The following STK31 variants were observed in gnomAD, a reference collection of about 807,000 sequenced individuals.
STK31 encodes the protein serine/threonine-protein kinase 31.
STK31 carries 89 observed loss-of-function variants against 129.7 expected under a neutral mutation model. The observed-to-expected ratio is 0.69, with a 90% CI of 0.58 to 0.82. The LOEUF is 0.82. Among genes scored for constraint, STK31 ranks in the 40% least tolerant of loss-of-function variants. The probability of loss-of-function intolerance (pLI) is 0.00; values close to 1 mark genes in which losing one functional copy is unlikely to be tolerated. For missense variants in STK31, 1,187 were observed against 1,176.4 expected (o/e 1.01, Z -0.13); for synonymous variants, 448 against 395.3 (o/e 1.13, Z -1.58).
chr7:23,766,155 A>T (rs1789810650), intron 11 of STK31, among the ~76,000 whole-genome samples: 1 of 152,202 alleles, frequency 6.6e-6, no homozygotes, highest in South Asian at 2.1e-4. Context: ...ATCTCATTTC[A>T]ATCTCAAATA....
In STK31 at chr7:23,712,239, G is replaced by C; in HGVS notation, c.103G>C (p.Asp35His). 1 of 1,614,080 alleles carries C rather than the reference G, an allele frequency of 6.2e-7. No homozygotes were observed. Among genetic ancestry groups the C allele is most frequent in the South Asian group, 1.1e-5 (1 of 91,084 alleles). ...GTATTGTGATTTGATTTTAGTGGAA[G>C]ATGTGGTTGGAAGTCACATAGAAGA... ...DEDTHYDKVE[D>H]VVGSHIEDAV... is the part of the protein sequence containing the mutation. The change falls in exon 3 of 24, where the codon GAT (aspartate) becomes CAT (histidine). Residue 35 changes from aspartate to histidine, a missense_variant. Asp to His is a moderately conservative substitution (Grantham distance 81). Coordinates refer to ENST00000355870, the MANE Select transcript of STK31 (RefSeq NM_031414.5).
Position 23,832,140 on chromosome 7 carries a change from A to T in STK31, c.2834A>T (p.Asp945Val). Residue 945 changes from aspartate to valine, a missense_variant, in exon 24 of 24, where the codon GAT becomes GTT. By Grantham distance (152) the Asp-to-Val change is radical. Coordinates refer to ENST00000355870, the MANE Select transcript of STK31 (RefSeq NM_031414.5). ...AACACCTGTTTTTCCTTGCAGGATG[A>T]TAAAGTCAAATCCCTCCTCTGTAGC... Reference protein sequence around the residue: ...IPKVDQFHLDDKVKSLLCSLI... With the variant: ...IPKVDQFHLDVKVKSLLCSLI... 6.2e-7 allele frequency: 1 copy of T among 1,611,600 alleles called. No individual in the cohort carries two copies. Among genetic ancestry groups the T allele is most frequent in the Non-Finnish European group, 8.5e-7 (1 of 1,178,256 alleles).
At chr7:23,779,442 C>T (rs761179363) in intron 15 of STK31, among the ~76,000 whole-genome samples, 16 of 152,162 alleles carry the variant, frequency 1.1e-4, no homozygotes, top group Admixed American at 2.0e-4. Context: ...TGCCCACAGC[C>T]GCCCCTTCCC....
At chr7:23,779,533 C>T (rs545552966) in intron 15 of STK31, among the ~76,000 whole-genome samples, 2 of 152,318 alleles carry the variant, frequency 1.3e-5, no homozygotes, top group Middle Eastern at 3.4e-3. Flanking sequence ...CAGAGATGCC[C>T]TGCCCAGAAA....
intron 4 of STK31, among the ~76,000 whole-genome samples, chr7:23,720,732 GCAGGAC>G (rs1333933305): frequency 1.2e-4 from 18 of 152,276 alleles, no homozygotes; most frequent in Non-Finnish European, 1.5e-5. Context: ...AGCAGAAGTA[GCAGGAC>G]TGTAAAATTT....
At chr7:23,785,240 G>A (rs1000870321) in intron 17 of STK31, among the ~76,000 whole-genome samples, 4 of 152,226 alleles carry the variant, frequency 2.6e-5, no homozygotes, top group African/African-American at 9.6e-5. Context: ...GTCATTTCCT[G>A]AATCTGTTCT....
At chr7:23,754,277 T>C in intron 9 of STK31, 38 bp from the exon 10 acceptor site, 2 of 1,590,406 alleles carry the variant, frequency 1.3e-6, no homozygotes, top group South Asian at 1.2e-5. Flanking sequence ...AGCTTTCTAA[T>C]TTATTGATCT....
At chr7:23,818,341 A>C (rs1201854235) in intron 23 of STK31, among the ~76,000 whole-genome samples, 1 of 152,178 alleles carries the variant, frequency 6.6e-6, no homozygotes, top group Admixed American at 6.5e-5. Context: ...TGGTAGATAC[A>C]GAGGTTAATT....
chr7:23,827,445 C>T (rs535903701), intron 23 of STK31, among the ~76,000 whole-genome samples: 1 of 152,184 alleles, frequency 6.6e-6, no homozygotes, highest in East Asian at 1.9e-4. Context: ...TTTTCAGCTC[C>T]ATGAGGTCCT....
At chr7:23,765,316 G>A (rs1789747244) in intron 11 of STK31, among the ~76,000 whole-genome samples, 2 of 152,124 alleles carry the variant, frequency 1.3e-5, no homozygotes, top group South Asian at 2.1e-4. Context: ...GGCCTCCAAA[G>A]TGCTAGATTT....
intron 23 of STK31, among the ~76,000 whole-genome samples, chr7:23,826,784 G>T (rs561086627): frequency 8.5e-5 from 13 of 152,150 alleles, no homozygotes; most frequent in Non-Finnish European, 1.9e-4. Flanking sequence ...TTTAGGGCAG[G>T]TCTGGTGGTG....
intron 13 of STK31, 115 bp from the exon 14 acceptor site, chr7:23,770,890 A>G: frequency 9.0e-7 from 1 of 1,111,790 alleles, no homozygotes; most frequent in Non-Finnish European, 1.3e-6. Flanking sequence ...CTGTTTTGAA[A>G]TCACTGCGGA....
rs914892106 is a variant in STK31, at chr7:23,740,572, G to A, written c.1017+3494G>A. On this transcript the variant is annotated intron_variant, in intron 8 of 23. Transcript: ENST00000355870. ...AGGTTTGTTACATACGTATACATGTGCCATGTTGGTGTGCTGCACCCATTA... is the reference window on the plus strand; with the variant it reads ...AGGTTTGTTACATACGTATACATGTACCATGTTGGTGTGCTGCACCCATTA... Among the ~76,000 whole-genome samples, 22 of 152,124 alleles carry A rather than the reference G, an allele frequency of 1.4e-4. No homozygotes were observed. The East Asian group carries it at 2.3e-3, about 16-fold the overall frequency.
At chr7:23,762,431 C>T (rs10248895) in intron 10 of STK31, among the ~76,000 whole-genome samples, 36,049 of 151,818 alleles carry the variant, frequency 0.24, 4,538 homozygotes, top group African/African-American at 0.32. Context: ...AGGGTTTATC[C>T]TGGTGTTTAA....
chr7:23,783,646 G>A lies in STK31; in HGVS notation c.2131G>A (p.Gly711Arg), dbSNP rs759383604. The A allele has an allele frequency of 2.6e-5, 42 of 1,611,138 alleles. No individual in the cohort carries two copies. Among genetic ancestry groups the A allele is most frequent in the East Asian group, 6.7e-5 (3 of 44,762 alleles). ...PELPLLHPEI[G>R]LLKYMNSGGL... The stretch of plus-strand genomic sequence containing the variant: ...GCTGCCTCTGCTTCATCCTGAAATA[G>A]GATTACTCAAATACATGGTAAACTT... The change falls in exon 17 of 24, where the codon GGA becomes AGA. Residue 711 changes from glycine (G) to arginine (R), a missense_variant. Around this residue, in one of 5 missense-constraint regions of STK31, gnomAD observed 975 missense variants for 934.9 expected, o/e 1.04. Transcript: ENST00000355870.
chr7:23,745,738 G>A (rs1788312050), intron 8 of STK31, among the ~76,000 whole-genome samples: 1 of 152,188 alleles, frequency 6.6e-6, no homozygotes, highest in Admixed American at 6.5e-5. Flanking sequence ...CCTGCCAGTG[G>A]CTTGCAGTTT....
At chr7:23,798,949 G>A (rs183156710) in intron 22 of STK31, among the ~76,000 whole-genome samples, 28 of 151,642 alleles carry the variant, frequency 1.8e-4, no homozygotes, top group East Asian at 9.7e-4. Flanking sequence ...TTATACACCC[G>A]TAACAGACAA....
At position 23,786,484 on chromosome 7, in the gene STK31, G is replaced by A. The variant is rs201181151; in HGVS notation, c.2275-24G>A. ...AATGAGATTTTCATCTTGGAATTAC[G>A]AGTGCCTCTTTCTTTGGTACAAGGG... On this transcript the variant is annotated intron_variant, in intron 18 of 23. Transcript: ENST00000355870. The A allele has an allele frequency of 4.9e-5, 77 of 1,568,966 alleles. No homozygotes were observed. In the African/African-American group the frequency reaches 5.6e-4, roughly 11 times the overall value.
intron 4 of STK31, among the ~76,000 whole-genome samples, chr7:23,723,997 G>A (rs1786895632): frequency 6.6e-6 from 1 of 152,158 alleles, no homozygotes; most frequent in Admixed American, 6.5e-5. Context: ...CCTTGGTTTA[G>A]GAAGGGGAGG....
Sources: gnomAD v4.1 joint callset for allele counts (sites outside exome capture counted in the v4.1 genomes callset) on GRCh38, gnomAD v4.1.1 for gene constraint, gnomAD v4.1.1 regional missense constraint, MANE v1.5 for transcripts, NCBI Gene and HGNC (gene_info 2026-07-23, HGNC 2026-07-21) for gene names.